FAM168A: variants seen among roughly 807,000 people sequenced by gnomAD.
The protein encoded by FAM168A is family with sequence similarity 168 member A.
Under a neutral mutation model 28.5 loss-of-function variants are expected in FAM168A, and 3 were observed. The ratio of observed to expected loss-of-function variants is 0.11; its 90% CI spans 0.05 to 0.27. FAM168A has a LOEUF of 0.27. Ranked by LOEUF, FAM168A falls within the 10% of genes least tolerant of loss-of-function variation. The pLI, the probability that FAM168A is intolerant of heterozygous loss-of-function variation, is 1.00. For synonymous variants in FAM168A, 122 were observed against 124.2 expected, an observed-to-expected ratio of 0.98 and a Z score of 0.12; for missense variants, 222 against 311.5, an observed-to-expected ratio of 0.71 and a Z score of 2.16.
chr11:73,560,532 TG>T (rs1277505383), intron 1 of FAM168A, among the ~76,000 whole-genome samples: 1 of 152,196 alleles, frequency 6.6e-6, no homozygotes, highest in Non-Finnish European at 1.5e-5. Context: ...GGTACAAACA[TG>T]GCAAATCTGA....
chr11:73,574,001 T>A (rs930873714), intron 1 of FAM168A, among the ~76,000 whole-genome samples: 10 of 151,560 alleles, frequency 6.6e-5, no homozygotes, highest in Admixed American at 2.0e-4. Flanking sequence ...GTTGCACACC[T>A]GTGGTCCCAG....
At chr11:73,577,004 A>G (rs1944185426) in intron 1 of FAM168A, among the ~76,000 whole-genome samples, 1 of 152,204 alleles carries the variant, frequency 6.6e-6, no homozygotes, top group Non-Finnish European at 1.5e-5. Context: ...CATAAAGCTC[A>G]AATGACATTT....
chr11:73,418,756 A>C (rs1866737584), intron 4 of FAM168A, among the ~76,000 whole-genome samples: 1 of 152,080 alleles, frequency 6.6e-6, no homozygotes, highest in African/African-American at 2.4e-5. Flanking sequence ...AACAGCTCCA[A>C]CAAGACACAA....
At chr11:73,509,211 C>T (rs966670026) in intron 1 of FAM168A, among the ~76,000 whole-genome samples, 1 of 152,188 alleles carries the variant, frequency 6.6e-6, no homozygotes, top group Non-Finnish European at 1.5e-5. Flanking sequence ...CATGATCACA[C>T]AGGCAAGTCA....
chr11:73,572,243 G>A (rs1188635139), intron 1 of FAM168A, among the ~76,000 whole-genome samples: 5 of 151,318 alleles, frequency 3.3e-5, no homozygotes, highest in African/African-American at 7.3e-5. Flanking sequence ...CGCCCCGTCC[G>A]GGAGGGAGGT....
intron 2 of FAM168A, among the ~76,000 whole-genome samples, chr11:73,441,560 C>A (rs1328684684): frequency 6.6e-6 from 1 of 152,196 alleles, no homozygotes; most frequent in Non-Finnish European, 1.5e-5. Flanking sequence ...GTTCCTTTAT[C>A]TTCCATTTTT....
At chr11:73,498,538 C>T (rs983937463) in intron 1 of FAM168A, among the ~76,000 whole-genome samples, 5 of 152,070 alleles carry the variant, frequency 3.3e-5, no homozygotes, top group African/African-American at 1.2e-4. Context: ...GTTGCAGTGG[C>T]CCACTGTCTA....
At chr11:73,426,854 CT>C (rs1866895124) in intron 3 of FAM168A, among the ~76,000 whole-genome samples, 2 of 152,104 alleles carry the variant, frequency 1.3e-5, no homozygotes, top group East Asian at 3.8e-4. Flanking sequence ...TACTCTAACG[CT>C]ACCCTCTCTT....
At chr11:73,469,776 A>G (rs1867787633) in intron 1 of FAM168A, among the ~76,000 whole-genome samples, 1 of 152,202 alleles carries the variant, frequency 6.6e-6, no homozygotes, top group Admixed American at 6.5e-5. Context: ...GTTAAACTTA[A>G]GGGAAAAAAA....
chr11:73,404,312 A>G lies in FAM168A; in HGVS notation c.*2451T>C, dbSNP rs1293651958. ...GCTCACTGTGGGCCTGTTCCCTTCC[A>G]TAACCTGTTTCCTCATTTGTCAATT... On this transcript the variant is annotated 3_prime_UTR_variant, in exon 8 of 8. Transcript: ENST00000356467. The G allele has an allele frequency of 2.6e-5, 4 of 152,130 alleles. No homozygotes were observed. The highest frequency in any genetic ancestry group is 5.9e-5 in the Non-Finnish European group (4 of 68,034). 9.4% of individuals were successfully genotyped at this position (152,130 alleles called of 1,614,324 possible).
Position 73,545,683 on chromosome 11 carries a change from C to CTTTTT in FAM168A, c.-19+52235_-19+52239dup, listed in dbSNP as rs966309670. On this transcript the variant is annotated intron_variant, in intron 1 of 7. Coordinates refer to ENST00000356467, the MANE Select transcript of FAM168A (RefSeq NM_015159.3). ...CTTAACATTTATTGAATACTATATA[C>CTTTTT]TTTTTTTTTTTTTTTTTTTTTTTGG... Among the ~76,000 whole-genome samples the CTTTTT allele has an allele frequency of 3.3e-4, 35 of 105,154 alleles. 1 individual carries two copies. Among genetic ancestry groups the CTTTTT allele is most frequent in the African/African-American group, 5.5e-4 (14 of 25,518 alleles). The allele number at this position is 105,154 out of a possible 152,430, so 69.0% of individuals were successfully genotyped here. A position where few individuals can be genotyped will look rare whatever the true frequency, so the allele number is the denominator to read the frequency against.
intron 1 of FAM168A, among the ~76,000 whole-genome samples, chr11:73,578,313 T>G (rs1944200202): frequency 6.6e-6 from 1 of 152,144 alleles, no homozygotes; most frequent in African/African-American, 2.4e-5. Context: ...AGGGAAAGAC[T>G]TCAAAGGGGC....
At chr11:73,510,634 T>C in intron 1 of FAM168A, 1 of 283,768 alleles carries the variant, frequency 3.5e-6, no homozygotes. Context: ...TACTAGCCCG[T>C]TCATGAGGTA....
chr11:73,578,648 T>A (rs1944204851), intron 1 of FAM168A, among the ~76,000 whole-genome samples: 1 of 152,196 alleles, frequency 6.6e-6, no homozygotes, highest in African/African-American at 2.4e-5. Context: ...AAAACATCAC[T>A]GAAAGTTTTA....
At chr11:73,553,907 T>C (rs1276328272) in intron 1 of FAM168A, among the ~76,000 whole-genome samples, 1 of 152,164 alleles carries the variant, frequency 6.6e-6, no homozygotes, top group African/African-American at 2.4e-5. Flanking sequence ...GAGGATAGTT[T>C]GAGCCCAGGA....
rs935174192 is a variant in FAM168A at position 73,521,460 on chromosome 11, GA to G, written c.-18-52969del. On this transcript the variant is annotated intron_variant, in intron 1 of 7. Transcript: ENST00000356467. ...TGAGCCCAAGGGTGGAAGGAGATTA[GA>G]AAAAAAAAACAAAAAAAGAAGAAGA... Among the ~76,000 whole-genome samples the G allele has an allele frequency of 3.4e-5, 5 of 145,536 alleles. No homozygotes were observed. In the South Asian group the frequency reaches 8.7e-4, roughly 25 times the overall value.
chr11:73,505,340 C>T (rs12421012), intron 1 of FAM168A, among the ~76,000 whole-genome samples: 1 of 151,478 alleles, frequency 6.6e-6, no homozygotes, highest in Non-Finnish European at 1.5e-5. Context: ...AATCACTAAA[C>T]TTCTCTATAA....
intron 1 of FAM168A, among the ~76,000 whole-genome samples, chr11:73,583,447 G>T (rs1161414822): frequency 2.6e-5 from 4 of 152,158 alleles, no homozygotes; most frequent in Non-Finnish European, 5.9e-5. Flanking sequence ...TCTGTACAAG[G>T]TCCCAAGATG....
chr11:73,554,764 G>A (rs1161170783), intron 1 of FAM168A, among the ~76,000 whole-genome samples: 1 of 152,194 alleles, frequency 6.6e-6, no homozygotes, highest in East Asian at 1.9e-4. Context: ...AATACAATGG[G>A]AGAGCAATAA....
Sources: allele counts gnomAD v4.1 joint callset (sites outside exome capture counted in the v4.1 genomes callset), GRCh38; gene constraint gnomAD v4.1.1; transcripts MANE v1.5; gene names NCBI Gene and HGNC (gene_info 2026-07-23, HGNC 2026-07-21).